ZDHHC15: variants seen among roughly 807,000 people sequenced by gnomAD.
ZDHHC15 encodes the protein zDHHC palmitoyltransferase 15, also known as palmitoyltransferase ZDHHC15.
A neutral mutation model predicts 31.7 loss-of-function variants in ZDHHC15; 19 were observed. That is an observed-to-expected ratio of 0.60 (90% CI 0.42 to 0.88). The LOEUF (loss-of-function observed/expected upper bound fraction) is 0.88, where lower values mean the gene tolerates loss of function less well. Among genes scored for constraint, ZDHHC15 ranks in the 40% least tolerant of loss-of-function variants. The pLI is 0.00. For synonymous variants in ZDHHC15, 103 were observed against 90.0 expected (o/e 1.14, Z -0.82); for missense variants, 209 against 251.2 (o/e 0.83, Z 1.14).
At chrX:75,440,591 GTGT>G (rs1159034600) in intron 4 of ZDHHC15, among the ~76,000 whole-genome samples, 1 of 112,635 alleles carries the variant, frequency 8.9e-6, no homozygotes, top group Non-Finnish European at 1.9e-5. Context: ...GTTCTTTTAT[GTGT>G]TGTTGTAATG....
rs754161847 is a variant in ZDHHC15 at position 75,417,190 on chromosome X, G to A, written c.864C>T (p.Ser288=). The A allele has an allele frequency of 3.4e-6, 4 of 1,181,848 alleles. No individual in the cohort carries two copies. The highest frequency in any genetic ancestry group is 2.2e-5 in the Admixed American group (1 of 44,749). Residue 288 remains serine, a splice_region_variant and synonymous_variant, in exon 10 of 12, where the codon AGC becomes AGT. Coordinates refer to ENST00000373367, the MANE Select transcript of ZDHHC15 (RefSeq NM_144969.3). ...KKFWLIPIGS[S]PGDGHSFPMR... ...TAGGGAAGGAGTGTCCATCACCAGG[G>A]CTGATGGGAAAAGAAAGGCAGTGAC...
intron 2 of ZDHHC15, among the ~76,000 whole-genome samples, chrX:75,500,831 G>A (rs764766720): frequency 9.1e-6 from 1 of 109,696 alleles, no homozygotes; most frequent in Non-Finnish European, 1.9e-5. Flanking sequence ...GTCTGGAGGT[G>A]AGTCTAAAAG....
At chrX:75,487,625 T>C (rs1223313390) in intron 2 of ZDHHC15, among the ~76,000 whole-genome samples, 1 of 112,049 alleles carries the variant, frequency 8.9e-6, no homozygotes, top group Non-Finnish European at 1.9e-5. Flanking sequence ...AACAGGGTTC[T>C]ATAATATCAC....
intron 3 of ZDHHC15, among the ~76,000 whole-genome samples, chrX:75,459,005 AAAAAAACAAC>A (rs2084269920): frequency 1.0e-5 from 1 of 97,022 alleles, no homozygotes; most frequent in Non-Finnish European, 2.1e-5. Context: ...AAAAAAAAAA[AAAAAAACAAC>A]CCCCAGCCAA....
rs751942126 is a variant in ZDHHC15, at chrX:75,371,882, C to T, written c.*1096G>A. ...GCAAACTGTATTAATGGCTTAGCTA[C>T]TACTGAAGCTAAAAAAAGAAGAAAG... On this transcript the variant is annotated 3_prime_UTR_variant, in exon 12 of 12. Transcript: ENST00000373367. 1 of 111,749 alleles carries T rather than the reference C, an allele frequency of 8.9e-6. No individual in the cohort carries two copies. Among genetic ancestry groups the T allele is most frequent in the Non-Finnish European group, 1.9e-5 (1 of 53,128 alleles). 9.2% of individuals were successfully genotyped at this position (111,749 alleles called of 1,213,427 possible).
intron 1 of ZDHHC15, among the ~76,000 whole-genome samples, chrX:75,515,363 C>A (rs947488416): frequency 9.0e-6 from 1 of 111,164 alleles, no homozygotes; most frequent in African/African-American, 3.3e-5. Context: ...AATCCAGAAG[C>A]ACATCAAAAA....
intron 2 of ZDHHC15, among the ~76,000 whole-genome samples, chrX:75,491,293 G>A (rs1210775123): frequency 9.1e-6 from 1 of 109,864 alleles, no homozygotes; most frequent in African/African-American, 3.3e-5. Context: ...ATTCTATGCA[G>A]CCATAAAAAA....
At chrX:75,515,681 G>C (rs2085345114) in intron 1 of ZDHHC15, among the ~76,000 whole-genome samples, 1 of 111,696 alleles carries the variant, frequency 9.0e-6, no homozygotes, top group Non-Finnish European at 1.9e-5. Context: ...CACAAGACAG[G>C]GATGCCCTCT....
chrX:75,503,221 A>G (rs1041929338), intron 2 of ZDHHC15, among the ~76,000 whole-genome samples: 2 of 111,013 alleles, frequency 1.8e-5, no homozygotes, highest in Non-Finnish European at 1.9e-5. Flanking sequence ...ATTGTGATTC[A>G]GATGATCTGA....
At chrX:75,386,083 G>T (rs984546766) in intron 10 of ZDHHC15, among the ~76,000 whole-genome samples, 1 of 111,943 alleles carries the variant, frequency 8.9e-6, no homozygotes, top group Non-Finnish European at 1.9e-5. Context: ...GCAGCATAAA[G>T]TACCAGATTG....
chrX:75,368,472 G>A lies in ZDHHC15; in HGVS notation c.*4506C>T, dbSNP rs1264826725. On this transcript the variant is annotated 3_prime_UTR_variant, in exon 12 of 12. Transcript: ENST00000373367. ...TGAAGGATATAGGAAGATAAAGCTG[G>A]CCAGCATTTGTCAATATTTCTGCAC... 2.7e-5 allele frequency: 3 copies of A among 111,509 alleles called. No individual in the cohort carries two copies. Among genetic ancestry groups the A allele is most frequent in the Non-Finnish European group, 3.8e-5 (2 of 53,052 alleles). The allele number at this position is 111,509 out of a possible 1,213,427, so 9.2% of individuals were successfully genotyped here.
chrX:75,470,418 G>A (rs762108509), intron 3 of ZDHHC15, among the ~76,000 whole-genome samples: 29 of 111,032 alleles, frequency 2.6e-4, no homozygotes, highest in Admixed American at 2.0e-3. Flanking sequence ...TGTGAGAGGC[G>A]AGGAGTTTAG....
At chrX:75,384,932 C>T (rs1165604274) in intron 10 of ZDHHC15, 5 of 445,145 alleles carry the variant, frequency 1.1e-5, no homozygotes, top group South Asian at 6.8e-5. Flanking sequence ...TATCTACTAT[C>T]GCCAATATGC....
intron 4 of ZDHHC15, among the ~76,000 whole-genome samples, chrX:75,448,313 A>G (rs12008941): frequency 0.059 from 6,657 of 112,039 alleles, 256 homozygotes; most frequent in African/African-American, 0.14. Context: ...TGCTTGCTAA[A>G]GGCAAAGGGA....
At chrX:75,519,317 C>T (rs2085412430) in intron 1 of ZDHHC15, among the ~76,000 whole-genome samples, 1 of 111,752 alleles carries the variant, frequency 8.9e-6, no homozygotes, top group African/African-American at 3.3e-5. Context: ...TCACAAGTTA[C>T]TATCTAATGA....
intron 3 of ZDHHC15, among the ~76,000 whole-genome samples, chrX:75,477,409 C>T (rs2084622817): frequency 9.0e-6 from 1 of 111,479 alleles, no homozygotes; most frequent in Non-Finnish European, 1.9e-5. Context: ...TCCTTATTGA[C>T]CTTCTGTTTA....
intron 2 of ZDHHC15, among the ~76,000 whole-genome samples, chrX:75,499,829 T>C (rs5981365): frequency 0.59 from 65,553 of 110,419 alleles, 17,069 homozygotes; most frequent in Non-Finnish European, 0.82. Context: ...AAAAATACAC[T>C]TGCACATGTA....
intron 9 of ZDHHC15, among the ~76,000 whole-genome samples, chrX:75,420,672 G>T (rs1335701456): frequency 2.7e-5 from 3 of 110,937 alleles, no homozygotes; most frequent in Non-Finnish European, 5.7e-5. Context: ...GATGAAGCTA[G>T]AAACCATCAT....
chrX:75,450,175 G>A (rs774753846), intron 4 of ZDHHC15, among the ~76,000 whole-genome samples: 14 of 111,872 alleles, frequency 1.3e-4, no homozygotes, highest in East Asian at 2.8e-4. Flanking sequence ...GAAGCCAGAC[G>A]CAAGAGTATG....
Sources: gnomAD v4.1 joint callset for allele counts (sites outside exome capture counted in the v4.1 genomes callset) on GRCh38, gnomAD v4.1.1 for gene constraint, MANE v1.5 for transcripts, NCBI Gene and HGNC (gene_info 2026-07-23, HGNC 2026-07-21) for gene names.